Variants in GPR3 observed in about 807,000 individuals in gnomAD.
GPR3 encodes the protein ACCA orphan receptor.
Under a neutral mutation model 18.2 loss-of-function variants are expected in GPR3, and 16 were observed. The observed-to-expected ratio is 0.88, with a 90% CI of 0.60 to 1.34. The LOEUF (loss-of-function observed/expected upper bound fraction) is 1.34. Among genes scored for constraint, GPR3 ranks in the 40% most tolerant of loss-of-function variants. The pLI is 0.00. For missense variants in GPR3, 326 were observed against 427.6 expected (o/e 0.76, Z 2.10); for synonymous variants, 183 against 188.9 (o/e 0.97, Z 0.26).
In GPR3 at chr1:27,394,883, C is replaced by T; in HGVS notation, c.*92C>T. ...TCTTTCCAAACCCCCAGCTCCACACCCCCCAGACCCAGCTGGTTCTGGAGT... is the reference window on the plus strand; with the variant it reads ...TCTTTCCAAACCCCCAGCTCCACACTCCCCAGACCCAGCTGGTTCTGGAGT... On this transcript the variant is annotated 3_prime_UTR_variant, in exon 2 of 2. Transcript: ENST00000374024. The T allele has an allele frequency of 1.5e-6, 2 of 1,361,162 alleles. No homozygotes were observed. Among genetic ancestry groups the T allele is most frequent in the East Asian group, 2.3e-5 (1 of 43,534 alleles). The allele number at this position is 1,361,162 out of a possible 1,614,324, so 84.3% of individuals were successfully genotyped here.
In GPR3 at chr1:27,394,623, AC is replaced by A; in HGVS notation, c.827del (p.Pro276LeufsTer16). ...GCCTGCTGGGTGATGCCCACTCTCC[AC>A]CTCTCTACACCTATCTTACCTTGCT... ...YCLLGDAHSPPLYTYLTLLPA... is the reference protein window; with the variant it reads ...YCLLGDAHSPXLYTYLTLLPA... On this transcript the variant is annotated frameshift_variant, in exon 2 of 2. Coordinates refer to ENST00000374024, the MANE Select transcript of GPR3 (RefSeq NM_005281.4). LOFTEE classifies it high-confidence loss of function. 2.5e-6 allele frequency: 4 copies of A among 1,612,826 alleles called. No individual in the cohort carries two copies. Among genetic ancestry groups the A allele is most frequent in the Non-Finnish European group, 3.4e-6 (4 of 1,179,662 alleles).
chr1:27,392,831 C>G (rs957552526), intron 1 of GPR3, 94 bp downstream of exon 1: 25 of 152,404 alleles, frequency 1.6e-4, no homozygotes, highest in African/African-American at 5.5e-4. Context: ...AGTGGCCGGC[C>G]GGGGTTCGAG....
chr1:27,394,569 C>A lies in GPR3; in HGVS notation c.771C>A (p.Ala257=). Residue 257 remains alanine, a synonymous_variant, in exon 2 of 2, where the codon GCC becomes GCA. Transcript: ENST00000374024. ...TGGCCGTGGTGCTTGGAGCCTTTGC[C>A]GCCTGCTGGTTGCCCTTCACTGTCT... ...ATLAVVLGAF[A]ACWLPFTVYC... 1 of 1,614,172 alleles carries A rather than the reference C, an allele frequency of 6.2e-7. No individual in the cohort carries two copies. The highest frequency in any genetic ancestry group is 8.5e-7 in the Non-Finnish European group (1 of 1,180,028).
At position 27,395,147 on chromosome 1, in the gene GPR3, T is replaced by G; in HGVS notation, c.*356T>G. The stretch of plus-strand genomic sequence containing the variant: ...ATGTTTGAATTTCTGAGCTAAAGAG[T>G]CAGAGAGATTAGTCACATAGTTGCC... On this transcript the variant is annotated 3_prime_UTR_variant, in exon 2 of 2. Transcript: ENST00000374024. The G allele has an allele frequency of 3.5e-6, 1 of 285,768 alleles. No individual in the cohort carries two copies. The highest frequency in any genetic ancestry group is 1.1e-3 in the Middle Eastern group (1 of 888). 17.7% of individuals were successfully genotyped at this position (285,768 alleles called of 1,614,324 possible). A position where few individuals can be genotyped will look rare whatever the true frequency, so the allele number is the denominator to read the frequency against.
rs187327569 is a variant in GPR3 at position 27,394,977 on chromosome 1, A to C, written c.*186A>C. ...GGGGCCCAGCTGGCTCCACGGTTCC[A>C]GAATGTTCAGGTGGTCAGTGTTCTA... On this transcript the variant is annotated 3_prime_UTR_variant, in exon 2 of 2. Transcript: ENST00000374024. The C allele has an allele frequency of 1.1e-5, 7 of 630,350 alleles. No individual in the cohort carries two copies. The highest frequency in any genetic ancestry group is 9.2e-5 in the African/African-American group (5 of 54,288). 39.0% of individuals were successfully genotyped at this position (630,350 alleles called of 1,614,324 possible).
At chr1:27,393,476 C>G (rs1341158644) in intron 1 of GPR3, among the ~76,000 whole-genome samples, 1 of 152,138 alleles carries the variant, frequency 6.6e-6, no homozygotes, top group Non-Finnish European at 1.5e-5. Flanking sequence ...TCCCCTGGAT[C>G]CTATGGCCCT....
chr1:27,394,432 C>G lies in GPR3; in HGVS notation c.634C>G (p.Leu212Val), dbSNP rs749456477. The part of the protein sequence containing the change: ...FFMVFGIMLQ[L>V]YAQICRIVCR... Reference sequence around the variant, plus strand: ...CATGGTGTTTGGCATCATGCTGCAGCTCTACGCCCAAATCTGCCGCATCGT... The same window carrying G: ...CATGGTGTTTGGCATCATGCTGCAGGTCTACGCCCAAATCTGCCGCATCGT... Residue 212 changes from leucine (L) to valine (V), a missense_variant, in exon 2 of 2, where the codon CTC (leucine) becomes GTC (valine). By Grantham distance (32) the Leu-to-Val change is conservative. Transcript: ENST00000374024. The G allele has an allele frequency of 1.9e-6, 3 of 1,614,160 alleles. No homozygotes were observed. In the South Asian group the frequency reaches 3.3e-5, roughly 18 times the overall value.
chr1:27,394,311 T>C lies in GPR3; in HGVS notation c.513T>C (p.Pro171=), dbSNP rs1182678564. The C allele has an allele frequency of 6.2e-7, 1 of 1,613,552 alleles. No homozygotes were observed. Among genetic ancestry groups the C allele is most frequent in the Non-Finnish European group, 8.5e-7 (1 of 1,180,048 alleles). ...GTGCCCTGGGCCTGGGGCTGCTGCC[T>C]GTGCTGGCCTGGAACTGCCTGGATG... is the stretch of plus-strand genomic sequence containing the variant. ...WGGALGLGLL[P]VLAWNCLDGL... Residue 171 remains proline, a synonymous_variant, in exon 2 of 2, where the codon CCT becomes CCC. Transcript: ENST00000374024.
chr1:27,393,675 C>T, intron 1 of GPR3, 119 bp from the exon 2 acceptor site: 1 of 853,462 alleles, frequency 1.2e-6, no homozygotes, highest in Middle Eastern at 2.9e-4. Flanking sequence ...CATTGGGACC[C>T]TATCAGGTAT....
Position 27,394,257 on chromosome 1 carries a change from C to T in GPR3, c.459C>T (p.Thr153=). 1 of 1,613,378 alleles carries T rather than the reference C, an allele frequency of 6.2e-7. No individual in the cohort carries two copies. Among genetic ancestry groups the T allele is most frequent in the Admixed American group, 1.7e-5 (1 of 60,028 alleles). The part of the protein sequence containing the change: ...TYYSETTVTR[T]YVMLALVWGG... ...ATTCAGAGACAACAGTGACACGGACCTATGTGATGCTGGCCTTAGTGTGGG... is the reference window on the plus strand; with the variant it reads ...ATTCAGAGACAACAGTGACACGGACTTATGTGATGCTGGCCTTAGTGTGGG... Residue 153 remains threonine (T), a synonymous_variant, in exon 2 of 2, where the codon ACC becomes ACT. Coordinates refer to ENST00000374024, the MANE Select transcript of GPR3 (RefSeq NM_005281.4).
At position 27,393,820 on chromosome 1, in the gene GPR3, C is replaced by A. The variant is rs1299556364; in HGVS notation, c.22C>A (p.Pro8Thr). The A allele has an allele frequency of 1.9e-6, 3 of 1,554,536 alleles. No individual in the cohort carries two copies. Among genetic ancestry groups the A allele is most frequent in the East Asian group, 2.3e-5 (1 of 44,214 alleles). The change falls in exon 2 of 2, where the codon CCT (proline) becomes ACT (threonine). Residue 8 changes from proline to threonine, a missense_variant. Coordinates refer to ENST00000374024, the MANE Select transcript of GPR3 (RefSeq NM_005281.4). The stretch of plus-strand genomic sequence containing the variant: ...TACCATGATGTGGGGTGCAGGCAGC[C>A]CTCTGGCCTGGCTCTCAGCTGGCTC... The part of the protein sequence containing the change: MMWGAGS[P>T]LAWLSAGSGN...
chr1:27,393,095 C>T (rs2016504868), intron 1 of GPR3, among the ~76,000 whole-genome samples: 1 of 151,980 alleles, frequency 6.6e-6, no homozygotes, highest in South Asian at 2.1e-4. Context: ...GAGTCAGGCC[C>T]AAAATCCAGG....
rs734852 is a variant in GPR3 at position 27,394,463 on chromosome 1, G to A, written c.665G>A (p.Arg222His). ...GCCCAAATCTGCCGCATCGTCTGCC[G>A]CCATGCCCAGCAGATTGCCCTTCAG... ...LYAQICRIVC[R>H]HAQQIALQRH... Residue 222 changes from arginine to histidine, a missense_variant, in exon 2 of 2, where the codon CGC becomes CAC. Coordinates refer to ENST00000374024, the MANE Select transcript of GPR3 (RefSeq NM_005281.4). 2.9e-3 allele frequency: 4,660 copies of A among 1,613,992 alleles called. 94 individuals are homozygous for A. The African/African-American group carries it at 0.053, about 18-fold the overall frequency.
chr1:27,393,464 C>T (rs2148085152), intron 1 of GPR3, among the ~76,000 whole-genome samples: 1 of 152,306 alleles, frequency 6.6e-6, no homozygotes, highest in Non-Finnish European at 1.5e-5. Context: ...CCTTCGGGGG[C>T]ATCCCCTGGA....
At position 27,393,778 on chromosome 1, in the gene GPR3, G is replaced by C. The variant is rs772059351; in HGVS notation, c.-5-16G>C. The C allele has an allele frequency of 6.6e-7, 1 of 1,519,234 alleles. No individual in the cohort carries two copies. Among genetic ancestry groups the C allele is most frequent in the Admixed American group, 2.2e-5 (1 of 45,410 alleles). 94.1% of individuals were successfully genotyped at this position (1,519,234 alleles called of 1,614,324 possible). On this transcript the variant is annotated splice_polypyrimidine_tract_variant and intron_variant, in intron 1 of 1. Transcript: ENST00000374024. ...ACCCAGCTTGGTCAGCTTCTCACAA[G>C]GCCTTTCTCCTGCAGGTACCATGAT...
rs867998376 is a variant in GPR3 at position 27,393,924 on chromosome 1, C to G, written c.126C>G (p.Ala42=). 1 of 1,611,230 alleles carries G rather than the reference C, an allele frequency of 6.2e-7. No homozygotes were observed. Among genetic ancestry groups the G allele is most frequent in the Non-Finnish European group, 8.5e-7 (1 of 1,179,344 alleles). ...CCGCACCACTGCCCTCGCCTAAGGC[C>G]TGGGATGTGGTGCTCTGCATCTCAG... ...GPAAPLPSPK[A]WDVVLCISGT... The change falls in exon 2 of 2, where the codon GCC becomes GCG. Residue 42 remains alanine (A), a synonymous_variant. Coordinates refer to ENST00000374024, the MANE Select transcript of GPR3 (RefSeq NM_005281.4).
rs988628880 is a variant in GPR3, at chr1:27,394,222, C to T, written c.424C>T (p.Leu142Phe). 6.2e-7 allele frequency: 1 copy of T among 1,613,708 alleles called. No homozygotes were observed. Among genetic ancestry groups the T allele is most frequent in the African/African-American group, 1.3e-5 (1 of 74,934 alleles). ...VDRYLSLYNA[L>F]TYYSETTVTR... ...CCGCTACCTTTCTCTGTACAATGCC[C>T]TCACCTACTATTCAGAGACAACAGT... The change falls in exon 2 of 2, where the codon CTC (leucine) becomes TTC (phenylalanine). Residue 142 changes from leucine to phenylalanine, a missense_variant. By Grantham distance (22) the Leu-to-Phe change is conservative. Coordinates refer to ENST00000374024, the MANE Select transcript of GPR3 (RefSeq NM_005281.4).
Position 27,393,826 on chromosome 1 carries a change from G to T in GPR3, c.28G>T (p.Ala10Ser), listed in dbSNP as rs1209094116. 6.4e-7 allele frequency: 1 copy of T among 1,559,796 alleles called. No individual in the cohort carries two copies. ...GATGTGGGGTGCAGGCAGCCCTCTGGCCTGGCTCTCAGCTGGCTCAGGCAA... is the reference window on the plus strand; with the variant it reads ...GATGTGGGGTGCAGGCAGCCCTCTGTCCTGGCTCTCAGCTGGCTCAGGCAA... MMWGAGSPL[A>S]WLSAGSGNVN... Residue 10 changes from alanine (A) to serine (S), a missense_variant, in exon 2 of 2, where the codon GCC becomes TCC. Ala to Ser is a moderately conservative substitution (Grantham distance 99). Transcript: ENST00000374024.
Position 27,394,233 on chromosome 1 carries a change from T to G in GPR3, c.435T>G (p.Tyr145Ter). 6.2e-7 allele frequency: 1 copy of G among 1,613,714 alleles called. No individual in the cohort carries two copies. Among genetic ancestry groups the G allele is most frequent in the Non-Finnish European group, 8.5e-7 (1 of 1,180,018 alleles). Residue 145 changes from tyrosine (Y) to a stop codon, truncating the protein, a stop_gained, in exon 2 of 2, where the codon TAT becomes TAG. Transcript: ENST00000374024. LOFTEE classifies it high-confidence loss of function. ...CTCTGTACAATGCCCTCACCTACTA[T>G]TCAGAGACAACAGTGACACGGACCT... ...YLSLYNALTY[Y>*]SETTVTRTYV...
Sources: gnomAD v4.1 joint callset for allele counts (sites outside exome capture counted in the v4.1 genomes callset) on GRCh38, gnomAD v4.1.1 for gene constraint, MANE v1.5 for transcripts, NCBI Gene and HGNC (gene_info 2026-07-23, HGNC 2026-07-21) for gene names.